Variants in SMYD3 observed in about 807,000 individuals in gnomAD.
SMYD3 encodes histone-lysine N-methyltransferase SMYD3.
Under a neutral mutation model 57.7 loss-of-function variants are expected in SMYD3, and 36 were observed. That is an observed-to-expected ratio of 0.62 (90% CI 0.48 to 0.82). The LOEUF (loss-of-function observed/expected upper bound fraction) is 0.82. SMYD3 is among the 40% of genes least tolerant of loss of function. The probability of loss-of-function intolerance (pLI) is 0.00; values close to 1 mark genes in which losing one functional copy is unlikely to be tolerated. For missense variants in SMYD3, 515 were observed against 538.8 expected (o/e 0.96, Z 0.44); for synonymous variants, 211 against 195.0 (o/e 1.08, Z -0.68).
chr1:245,954,070 AG>A (rs2057751980), intron 5 of SMYD3, among the ~76,000 whole-genome samples: 1 of 152,258 alleles, frequency 6.6e-6, no homozygotes, highest in Non-Finnish European at 1.5e-5. Flanking sequence ...GAAGTGTATC[AG>A]GTACTTTTCC....
At chr1:246,214,394 A>G (rs2063133296) in intron 5 of SMYD3, among the ~76,000 whole-genome samples, 1 of 152,200 alleles carries the variant, frequency 6.6e-6, no homozygotes, top group South Asian at 2.1e-4. Context: ...ATCTCAAAGG[A>G]AAAATGAACA....
At chr1:245,981,623 G>A (rs1332544266) in intron 5 of SMYD3, among the ~76,000 whole-genome samples, 1 of 152,088 alleles carries the variant, frequency 6.6e-6, no homozygotes, top group Admixed American at 6.6e-5. Flanking sequence ...GTGAAAAAAA[G>A]ATTTTTAGAT....
At chr1:246,255,672 T>C (rs2063870668) in intron 5 of SMYD3, among the ~76,000 whole-genome samples, 1 of 152,094 alleles carries the variant, frequency 6.6e-6, no homozygotes, top group South Asian at 2.1e-4. Context: ...GGTTTTGGTA[T>C]GGAGGTAACA....
chr1:245,850,208 TCCACC>T (rs1165007833), intron 10 of SMYD3, among the ~76,000 whole-genome samples: 1 of 152,178 alleles, frequency 6.6e-6, no homozygotes, highest in East Asian at 1.9e-4. Flanking sequence ...CTTTCTTGGC[TCCACC>T]CCACACGGTC....
chr1:245,948,070 G>A (rs907730346), intron 5 of SMYD3, among the ~76,000 whole-genome samples: 6 of 152,072 alleles, frequency 3.9e-5, no homozygotes, highest in African/African-American at 9.7e-5. Context: ...CCAGAACCTC[G>A]GTACTCAGAA....
intron 5 of SMYD3, among the ~76,000 whole-genome samples, chr1:246,213,251 C>G: frequency 6.6e-6 from 1 of 152,108 alleles, no homozygotes; most frequent in East Asian, 1.9e-4. Context: ...TTTCTAAACC[C>G]AAACACCAAG....
At chr1:246,105,418 A>G (rs548133927) in intron 5 of SMYD3, among the ~76,000 whole-genome samples, 6 of 152,334 alleles carry the variant, frequency 3.9e-5, no homozygotes, top group Admixed American at 2.6e-4. Context: ...GTTATTGTAC[A>G]GACTCTAGCC....
chr1:245,811,530 T>C (rs1481986025), intron 10 of SMYD3, among the ~76,000 whole-genome samples: 1 of 152,212 alleles, frequency 6.6e-6, no homozygotes, highest in Non-Finnish European at 1.5e-5. Flanking sequence ...CTTCTGAATT[T>C]GGAAAAACAT....
At chr1:246,146,564 G>C (rs993900772) in intron 5 of SMYD3, among the ~76,000 whole-genome samples, 2 of 152,162 alleles carry the variant, frequency 1.3e-5, no homozygotes, top group African/African-American at 4.8e-5. Flanking sequence ...ATGCAGACCC[G>C]GTGCAGGGTA....
At chr1:245,923,844 G>C (rs1008159021) in intron 7 of SMYD3, among the ~76,000 whole-genome samples, 1 of 152,188 alleles carries the variant, frequency 6.6e-6, no homozygotes, top group African/African-American at 2.4e-5. Context: ...TCAGGGCTGG[G>C]TCTTAATAAT....
At chr1:246,012,545 G>A (rs570511961) in intron 5 of SMYD3, among the ~76,000 whole-genome samples, 10 of 152,274 alleles carry the variant, frequency 6.6e-5, no homozygotes, top group South Asian at 2.1e-4. Flanking sequence ...TTTTGTAACC[G>A]CCTCTATCGA....
At chr1:246,030,555 AT>A (rs138031438) in intron 5 of SMYD3, among the ~76,000 whole-genome samples, 4,570 of 152,238 alleles carry the variant, frequency 0.03, 98 homozygotes, top group South Asian at 0.042. Context: ...AGAGGAGAGT[AT>A]TTTTTAATGT....
chr1:245,751,500 G>A (rs2045351250), intron 11 of SMYD3, among the ~76,000 whole-genome samples: 1 of 151,744 alleles, frequency 6.6e-6, no homozygotes, highest in South Asian at 2.1e-4. Flanking sequence ...GGCAGACAGA[G>A]GGGGTCTAGA....
intron 5 of SMYD3, among the ~76,000 whole-genome samples, chr1:246,150,073 C>T (rs1176410184): frequency 1.3e-5 from 2 of 152,164 alleles, no homozygotes; most frequent in African/African-American, 2.4e-5. Flanking sequence ...GGGATTGATT[C>T]TATAGAAGAA....
At chr1:246,309,147 G>A (rs966121429) in intron 5 of SMYD3, among the ~76,000 whole-genome samples, 1 of 151,690 alleles carries the variant, frequency 6.6e-6, no homozygotes, top group Non-Finnish European at 1.5e-5. Context: ...TTTAATACTA[G>A]CAATACTAAA....
chr1:245,767,817 G>A (rs531839798), intron 10 of SMYD3, among the ~76,000 whole-genome samples: 12 of 152,302 alleles, frequency 7.9e-5, no homozygotes, highest in South Asian at 4.2e-4. Context: ...AGACACACAC[G>A]CGCAAAGCTA....
At chr1:246,184,727 C>T (rs898343784) in intron 5 of SMYD3, among the ~76,000 whole-genome samples, 2 of 152,122 alleles carry the variant, frequency 1.3e-5, no homozygotes, top group South Asian at 4.1e-4. Flanking sequence ...TCCCTGTGTG[C>T]TTGCATGAGG....
chr1:246,352,036 C>T (rs1281739788), intron 2 of SMYD3, among the ~76,000 whole-genome samples: 1 of 146,768 alleles, frequency 6.8e-6, no homozygotes, highest in Non-Finnish European at 1.5e-5. Context: ...CCTGGGGAGG[C>T]TGAGGCCCAA....
chr1:246,123,527 A>G (rs1335047470), intron 5 of SMYD3, among the ~76,000 whole-genome samples: 2 of 150,974 alleles, frequency 1.3e-5, no homozygotes, highest in Non-Finnish European at 2.9e-5. Flanking sequence ...AGATCACGCC[A>G]CTACAATCTC....
Sources: allele counts gnomAD v4.1 joint callset (sites outside exome capture counted in the v4.1 genomes callset), GRCh38; gene constraint gnomAD v4.1.1; transcripts MANE v1.5; gene names NCBI Gene and HGNC (gene_info 2026-07-23, HGNC 2026-07-21).